COL6A6: variants seen among roughly 807,000 people sequenced by gnomAD.
COL6A6 encodes collagen alpha-6(VI) chain.
Under a neutral mutation model 208.6 loss-of-function variants are expected in COL6A6, and 183 were observed. The observed-to-expected ratio is 0.88, with a 90% CI of 0.78 to 0.99. The LOEUF (loss-of-function observed/expected upper bound fraction) is 0.99. Ranked by LOEUF, COL6A6 falls within the 50% of genes least tolerant of loss-of-function variation. The probability of loss-of-function intolerance (pLI) is 0.00; values close to 1 mark genes in which losing one functional copy is unlikely to be tolerated. For missense variants in COL6A6, 2,816 were observed against 2,815.2 expected (o/e 1.00, Z -0.01); for synonymous variants, 973 against 1,011.8 (o/e 0.96, Z 0.73).
At chr3:130,599,644 C>A in intron 19 of COL6A6, 113 bp from the exon 20 acceptor site, 1 of 978,992 alleles carries the variant, frequency 1.0e-6, no homozygotes, top group Non-Finnish European at 1.6e-6. Context: ...AAAGGTAACT[C>A]TCTCATTGGT....
At chr3:130,524,665 C>G (rs530318086) in intron 1 of COL6A6, among the ~76,000 whole-genome samples, 1 of 152,280 alleles carries the variant, frequency 6.6e-6, no homozygotes, top group South Asian at 2.1e-4. Context: ...TTTTATTTCT[C>G]AGTGCTCTTA....
chr3:130,516,780 T>C (rs990251214), upstream of COL6A6, among the ~76,000 whole-genome samples: 1 of 152,146 alleles, frequency 6.6e-6, no homozygotes, highest in Non-Finnish European at 1.5e-5. Context: ...GCTCCCTTGC[T>C]AGATCCTGCC....
intron 21 of COL6A6, among the ~76,000 whole-genome samples, chr3:130,607,850 T>G (rs976157355): frequency 3.3e-5 from 5 of 152,246 alleles, no homozygotes; most frequent in Admixed American, 6.5e-5. Context: ...TATCTGTTTC[T>G]GCTTCTGTAA....
intron 1 of COL6A6, among the ~76,000 whole-genome samples, chr3:130,527,147 A>G (rs2061978306): frequency 6.6e-6 from 1 of 152,170 alleles, no homozygotes; most frequent in Admixed American, 6.5e-5. Flanking sequence ...AAAAACTCCT[A>G]ATGGATAACT....
chr3:130,559,651 C>G (rs2062837517), intron 1 of COL6A6, among the ~76,000 whole-genome samples: 1 of 152,138 alleles, frequency 6.6e-6, no homozygotes, highest in East Asian at 1.9e-4. Context: ...CATTTAATAT[C>G]CTGCTTCATT....
intron 1 of COL6A6, among the ~76,000 whole-genome samples, chr3:130,536,511 T>C (rs983561524): frequency 2.6e-5 from 4 of 152,216 alleles, no homozygotes; most frequent in African/African-American, 4.8e-5. Flanking sequence ...TGAAGAGAAA[T>C]AATAGTGATT....
intron 32 of COL6A6, among the ~76,000 whole-genome samples, chr3:130,647,110 C>A (rs1193702725): frequency 6.6e-6 from 1 of 152,088 alleles, no homozygotes; most frequent in Non-Finnish European, 1.5e-5. Context: ...AGTGTGAGGT[C>A]ACAGAGCCAT....
Position 130,570,904 on chromosome 3 carries a change from G to A in COL6A6, c.2488G>A (p.Asp830Asn), listed in dbSNP as rs1428532388. The A allele has an allele frequency of 2.5e-6, 4 of 1,613,714 alleles. No individual in the cohort carries two copies. The African/African-American group carries it at 5.3e-5, about 22-fold the overall frequency. Residue 830 changes from aspartate to asparagine, a missense_variant, in exon 7 of 37, where the codon GAT becomes AAT. By Grantham distance (23) the Asp-to-Asn change is conservative (BLOSUM62 1). Coordinates refer to ENST00000358511, the MANE Select transcript of COL6A6 (RefSeq NM_001102608.3). ...CTATGATGAGTATAATATCATGAAG[G>A]ATTTTATGATTGGCTTAGTGAAAAA... ...IDYDEYNIMK[D>N]FMIGLVKKAD...
At chr3:130,617,762 C>T (rs1019502276) in intron 23 of COL6A6, among the ~76,000 whole-genome samples, 2 of 152,124 alleles carry the variant, frequency 1.3e-5, no homozygotes, top group Admixed American at 6.6e-5. Context: ...TACCCCCACA[C>T]AAATAAAAAC....
intron 17 of COL6A6, among the ~76,000 whole-genome samples, 178 bp from the exon 18 acceptor site, chr3:130,594,103 T>C (rs1005185132): frequency 6.6e-6 from 1 of 152,252 alleles, no homozygotes; most frequent in Non-Finnish European, 1.5e-5. Context: ...GAGTTCACTA[T>C]TAAATTATTT....
intron 23 of COL6A6, among the ~76,000 whole-genome samples, chr3:130,611,192 A>C (rs2064347782): frequency 6.6e-6 from 1 of 151,714 alleles, no homozygotes; most frequent in African/African-American, 2.4e-5. Context: ...ATATAGACCT[A>C]GGGTTGGGAA....
intron 33 of COL6A6, among the ~76,000 whole-genome samples, chr3:130,657,034 G>A (rs1001669914): frequency 1.3e-5 from 2 of 152,246 alleles, no homozygotes; most frequent in Non-Finnish European, 2.9e-5. Context: ...GCAGCCAGAC[G>A]GCTGCAACTG....
chr3:130,527,890 C>CTTTT (rs56110472), intron 1 of COL6A6, among the ~76,000 whole-genome samples: 31 of 57,818 alleles, frequency 5.4e-4, no homozygotes, highest in East Asian at 7.2e-4. Context: ...GTTACTTTTC[C>CTTTT]TTTTTTTTTT....
chr3:130,634,234 TAAATAAATA>T (rs2065036121), intron 26 of COL6A6, among the ~76,000 whole-genome samples: 1 of 12,622 alleles, frequency 7.9e-5, no homozygotes, highest in East Asian at 1.3e-3. Flanking sequence ...AATAAATAAA[TAAATAAATA>T]AAAAAAAAAA....
At chr3:130,554,034 G>A (rs573097356) in intron 1 of COL6A6, among the ~76,000 whole-genome samples, 100 of 152,284 alleles carry the variant, frequency 6.6e-4, no homozygotes, top group African/African-American at 2.2e-3. Context: ...GGCCCCTGGC[G>A]TTGTTCTCTG....
intron 10 of COL6A6, among the ~76,000 whole-genome samples, chr3:130,585,583 T>A (rs1263927105): frequency 6.6e-6 from 1 of 152,214 alleles, no homozygotes; most frequent in African/African-American, 2.4e-5. Flanking sequence ...GCAAAATAAG[T>A]CATTGGCAAC....
chr3:130,659,638 A>G (rs1324879546), intron 34 of COL6A6, among the ~76,000 whole-genome samples: 1 of 152,204 alleles, frequency 6.6e-6, no homozygotes, highest in African/African-American at 2.4e-5. Context: ...AGAGATAGTA[A>G]TTTGCTCAGG....
intron 33 of COL6A6, among the ~76,000 whole-genome samples, chr3:130,653,819 G>T (rs936018295): frequency 6.6e-6 from 1 of 152,088 alleles, no homozygotes; most frequent in Non-Finnish European, 1.5e-5. Flanking sequence ...AGGGGGAAAG[G>T]TTGGGGGAAG....
chr3:130,660,979 C>T (rs1355981307), intron 34 of COL6A6, among the ~76,000 whole-genome samples: 1 of 151,974 alleles, frequency 6.6e-6, no homozygotes, highest in Non-Finnish European at 1.5e-5. Context: ...AATAAAATCC[C>T]GTTTTTATTA....
Sources: gnomAD v4.1 joint callset for allele counts (sites outside exome capture counted in the v4.1 genomes callset) on GRCh38, gnomAD v4.1.1 for gene constraint, MANE v1.5 for transcripts, NCBI Gene and HGNC (gene_info 2026-07-23, HGNC 2026-07-21) for gene names.